The following CYLC2 variants were observed in gnomAD, a reference collection of about 807,000 sequenced individuals.
CYLC2 encodes the protein cylicin-2.
In CYLC2, 30 loss-of-function variants were observed where a neutral mutation model predicts 26.1. The observed-to-expected ratio is 1.15, with a 90% CI of 0.86 to 1.56. The LOEUF (loss-of-function observed/expected upper bound fraction) is 1.56. Among genes scored for constraint, CYLC2 ranks in the 40% most tolerant of loss-of-function variants. The probability of loss-of-function intolerance (pLI) is 0.00; values close to 1 mark genes in which losing one functional copy is unlikely to be tolerated. For missense variants in CYLC2, 498 were observed against 394.4 expected (o/e 1.26, Z -2.23); for synonymous variants, 158 against 132.8 (o/e 1.19, Z -1.31).
At chr9:103,016,153 A>C (rs1291679950) in intron 6 of CYLC2, among the ~76,000 whole-genome samples, 1 of 151,948 alleles carries the variant, frequency 6.6e-6, no homozygotes, top group African/African-American at 2.4e-5. Context: ...GAATTTTTCT[A>C]TCTGGTATAT....
At chr9:103,015,493 A>G (rs1448347834) in intron 6 of CYLC2, among the ~76,000 whole-genome samples, 1 of 139,004 alleles carries the variant, frequency 7.2e-6, no homozygotes, top group Admixed American at 7.7e-5. Context: ...ATGTAATTAT[A>G]TAACATATAA....
Position 103,009,835 on chromosome 9 carries a change from A to G in CYLC2, c.*701-2147A>G, listed in dbSNP as rs146409238. On this transcript the variant is annotated intron_variant, in intron 5 of 7. Transcript: ENST00000374798. ...AATGTTTCTCCACATCTTTGCCAAC[A>G]CTTTTATCTTTGTAATAATAACCAA... Among the ~76,000 whole-genome samples, 352 of 151,690 alleles carry G rather than the reference A, an allele frequency of 2.3e-3. 1 individual carries two copies. The highest frequency in any genetic ancestry group is 8.1e-3 in the African/African-American group (335 of 41,374).
chr9:103,001,018 C>T (rs1322761439), intron 1 of CYLC2, among the ~76,000 whole-genome samples: 2 of 151,622 alleles, frequency 1.3e-5, no homozygotes, highest in Non-Finnish European at 2.9e-5. Flanking sequence ...AAATTCCTTA[C>T]GAATTTTTGT....
rs1022299567 is a variant in CYLC2, at chr9:102,995,930, T to A, written c.17+533T>A. 3.9e-5 allele frequency among the ~76,000 whole-genome samples: 6 copies of A among 151,972 alleles called. No individual in the cohort carries two copies. The South Asian group carries it at 1.2e-3, about 31-fold the overall frequency. ...GAAGTACTTTGTAATGTAAAGCATA[T>A]AATCCAGACATGAGAAGTTATATGA... On this transcript the variant is annotated intron_variant, in intron 1 of 7. Coordinates refer to ENST00000374798, the MANE Select transcript of CYLC2 (RefSeq NM_001340.5).
intron 5 of CYLC2, among the ~76,000 whole-genome samples, chr9:103,011,379 T>C (rs1829405288): frequency 6.6e-6 from 1 of 152,106 alleles, no homozygotes. Flanking sequence ...AAAAAATGTT[T>C]TATATCAAAC....
intron 1 of CYLC2, among the ~76,000 whole-genome samples, chr9:102,997,660 C>A (rs1179350840): frequency 1.3e-5 from 2 of 151,880 alleles, no homozygotes; most frequent in Non-Finnish European, 2.9e-5. Flanking sequence ...AATATGCATA[C>A]AATCAGGAGG....
At chr9:103,003,804 G>A (rs1248178638) in intron 3 of CYLC2, among the ~76,000 whole-genome samples, 1 of 151,958 alleles carries the variant, frequency 6.6e-6, no homozygotes, top group Non-Finnish European at 1.5e-5. Context: ...CCTCATTTGA[G>A]TCATGGGATT....
chr9:103,005,356 A>G lies in CYLC2; in HGVS notation c.725A>G (p.Lys242Arg). Residue 242 changes from lysine to arginine, a missense_variant, in exon 5 of 8, where the codon AAG (lysine) becomes AGG (arginine). By Grantham distance (26) the Lys-to-Arg change is conservative. Coordinates refer to ENST00000374798, the MANE Select transcript of CYLC2 (RefSeq NM_001340.5). The stretch of plus-strand genomic sequence containing the variant: ...TTACAAGCTGTAAAAGCAGATGAAA[A>G]GAAGGATGAGGATGGAAAAAAAGAT... ...IELQAVKADEKKDEDGKKDAN... is the reference protein window; with the variant it reads ...IELQAVKADERKDEDGKKDAN... The G allele has an allele frequency of 6.2e-7, 1 of 1,613,968 alleles. No homozygotes were observed. The highest frequency in any genetic ancestry group is 8.5e-7 in the Non-Finnish European group (1 of 1,179,952).
intron 5 of CYLC2, among the ~76,000 whole-genome samples, chr9:103,010,096 C>G (rs894088343): frequency 1.3e-5 from 2 of 151,704 alleles, no homozygotes; most frequent in African/African-American, 2.4e-5. Context: ...TTTATTATCA[C>G]TAATTGATTC....
chr9:103,007,654 T>A (rs1295468229), intron 5 of CYLC2, among the ~76,000 whole-genome samples: 1 of 152,184 alleles, frequency 6.6e-6, no homozygotes, highest in Admixed American at 6.5e-5. Flanking sequence ...AACTTCTCAA[T>A]TAAATGACAA....
At chr9:103,003,512 AT>A (rs1829309636) in intron 3 of CYLC2, among the ~76,000 whole-genome samples, 1 of 152,144 alleles carries the variant, frequency 6.6e-6, no homozygotes, top group African/African-American at 2.4e-5. Context: ...AAGGAATTGA[AT>A]TTTACATTTA....
In CYLC2 at chr9:103,012,037, C is replaced by T. The variant is rs1057180862; in HGVS notation, c.*756C>T. ...TGACATGATCTCAGGCTTACTACAG[C>T]CTCCACCTTCAGGTTCAAGTGATTC... On this transcript the variant is annotated 3_prime_UTR_variant, in exon 6 of 8. Transcript: ENST00000374798. 4 of 145,286 alleles carry T rather than the reference C, an allele frequency of 2.8e-5. No individual in the cohort carries two copies. Among genetic ancestry groups the T allele is most frequent in the African/African-American group, 1.0e-4 (4 of 38,826 alleles). 9.0% of individuals were successfully genotyped at this position (145,286 alleles called of 1,614,324 possible).
chr9:103,003,132 C>T lies in CYLC2; in HGVS notation c.59-10C>T. Reference sequence around the variant, plus strand: ...ACTCCAAAATGTGTTTTTTGTCTCCCTTATTTTAGTCAGTGAATTAAGCAA... The same window carrying T: ...ACTCCAAAATGTGTTTTTTGTCTCCTTTATTTTAGTCAGTGAATTAAGCAA... On this transcript the variant is annotated splice_polypyrimidine_tract_variant and intron_variant, in intron 2 of 7. Transcript: ENST00000374798. The T allele has an allele frequency of 1.9e-6, 3 of 1,612,446 alleles. No homozygotes were observed. The highest frequency in any genetic ancestry group is 2.5e-6 in the Non-Finnish European group (3 of 1,179,316).
rs201304746 is a variant in CYLC2, at chr9:103,006,017, GACACACACACACACACACAC to G, written c.*375_*394del. On this transcript the variant is annotated 3_prime_UTR_variant, in exon 5 of 8. Coordinates refer to ENST00000374798, the MANE Select transcript of CYLC2 (RefSeq NM_001340.5). ...TGAAGATAATGACACTAAATCTATG[GACACACACACACACACACAC>G]ACACACACACACACACACACACACA... 1.3e-3 allele frequency: 156 copies of G among 120,054 alleles called. No homozygotes were observed. The highest frequency in any genetic ancestry group is 8.7e-3 in the East Asian group (38 of 4,390). The allele number at this position is 120,054 out of a possible 1,614,324, so 7.4% of individuals were successfully genotyped here.
chr9:103,013,899 TATA>T (rs570669805), intron 6 of CYLC2, among the ~76,000 whole-genome samples: 1,719 of 114,262 alleles, frequency 0.015, 50 homozygotes, highest in African/African-American at 0.059. Context: ...ATATATTATA[TATA>T]ATATTATATT....
intron 5 of CYLC2, among the ~76,000 whole-genome samples, chr9:103,008,262 C>T (rs1236844413): frequency 2.0e-5 from 3 of 151,954 alleles, no homozygotes; most frequent in African/African-American, 7.2e-5. Flanking sequence ...CTTTAATATC[C>T]TACTGAGGTG....
In CYLC2 at chr9:103,014,524, T is replaced by TATTAC. The variant is rs1389856250; in HGVS notation, c.*817-2364_*817-2363insATTAC. On this transcript the variant is annotated intron_variant, in intron 6 of 7. Coordinates refer to ENST00000374798, the MANE Select transcript of CYLC2 (RefSeq NM_001340.5). ...TAATATATGTAATATACATAATATA[T>TATTAC]GCAATATACATCATATGTATATTAT... Among the ~76,000 whole-genome samples, 58 of 114,300 alleles carry TATTAC rather than the reference T, an allele frequency of 5.1e-4. 1 individual carries two copies. The highest frequency in any genetic ancestry group is 8.7e-4 in the Admixed American group (9 of 10,354). The allele number at this position is 114,300 out of a possible 152,430, so 75.0% of individuals were successfully genotyped here.
At position 103,002,246 on chromosome 9, in the gene CYLC2, T is replaced by C. The variant is rs551020197; in HGVS notation, c.58+628T>C. Among the ~76,000 whole-genome samples, 7 of 152,202 alleles carry C rather than the reference T, an allele frequency of 4.6e-5. No individual in the cohort carries two copies. The South Asian group carries it at 1.5e-3, about 32-fold the overall frequency. ...TAACTTTAATCATTTGTATTATAGT[T>C]TTCAGATGACTTCACCTACCCAGTC... is the stretch of plus-strand genomic sequence containing the variant. On this transcript the variant is annotated intron_variant, in intron 2 of 7. Coordinates refer to ENST00000374798, the MANE Select transcript of CYLC2 (RefSeq NM_001340.5).
At chr9:102,999,539 T>C (rs1326223984) in intron 1 of CYLC2, among the ~76,000 whole-genome samples, 1 of 151,356 alleles carries the variant, frequency 6.6e-6, no homozygotes, top group Non-Finnish European at 1.5e-5. Flanking sequence ...ATCTTTGCCT[T>C]GTTTCTGATT....
Sources: gnomAD v4.1 joint callset for allele counts (sites outside exome capture counted in the v4.1 genomes callset) on GRCh38, gnomAD v4.1.1 for gene constraint, MANE v1.5 for transcripts, NCBI Gene and HGNC (gene_info 2026-07-23, HGNC 2026-07-21) for gene names.